The following L3MBTL4 variants were observed in gnomAD, a reference collection of about 807,000 sequenced individuals.
L3MBTL4 encodes the protein lethal(3)malignant brain tumor-like protein 4.
Under a neutral mutation model 84.5 loss-of-function variants are expected in L3MBTL4, and 70 were observed. That is an observed-to-expected ratio of 0.83 (90% confidence interval 0.68 to 1.01). The LOEUF is 1.01. L3MBTL4 is among the 50% of genes least tolerant of loss of function. L3MBTL4 has a pLI of 0.00. For synonymous variants in L3MBTL4, 274 were observed against 259.8 expected (o/e 1.05, Z -0.52); for missense variants, 715 against 754.8 (o/e 0.95, Z 0.62).
intron 12 of L3MBTL4, among the ~76,000 whole-genome samples, chr18:6,205,224 T>C (rs1199040272): frequency 6.6e-6 from 1 of 152,016 alleles, no homozygotes; most frequent in Non-Finnish European, 1.5e-5. Flanking sequence ...GCTGCTGGCT[T>C]TGAATATGGA....
chr18:6,378,675 T>A lies in L3MBTL4; in HGVS notation c.-91+36126A>T, dbSNP rs560532996. 1.5e-4 allele frequency among the ~76,000 whole-genome samples: 23 copies of A among 152,348 alleles called. No individual in the cohort carries two copies. The Middle Eastern group carries it at 0.01, about 68-fold the overall frequency. ...AGGCCTCTGTTCTGTTCTGTTGGTCTATATGTCTGTTTTGGTACCAGTACC... is the reference window on the plus strand; with the variant it reads ...AGGCCTCTGTTCTGTTCTGTTGGTCAATATGTCTGTTTTGGTACCAGTACC... On this transcript the variant is annotated intron_variant, in intron 1 of 18. Transcript: ENST00000317931.
intron 10 of L3MBTL4, among the ~76,000 whole-genome samples, chr18:6,218,130 T>A (rs2046401376): frequency 6.6e-6 from 1 of 152,146 alleles, no homozygotes; most frequent in African/African-American, 2.4e-5. Context: ...TTTCAAGAGA[T>A]GAGGTTTCTC....
At chr18:6,242,513 G>T (rs1470217307) in intron 7 of L3MBTL4, among the ~76,000 whole-genome samples, 1 of 152,184 alleles carries the variant, frequency 6.6e-6, no homozygotes, top group Non-Finnish European at 1.5e-5. Flanking sequence ...GAATGAGCCT[G>T]TAGCCTGTCA....
chr18:6,210,229 G>C (rs925563674), intron 12 of L3MBTL4, among the ~76,000 whole-genome samples: 4 of 152,320 alleles, frequency 2.6e-5, no homozygotes, highest in South Asian at 2.1e-4. Flanking sequence ...GTTGTCTTTA[G>C]TGGATCTGCT....
Position 6,132,958 on chromosome 18 carries a change from G to A in L3MBTL4, c.1199+5236C>T, listed in dbSNP as rs145783303. On this transcript the variant is annotated intron_variant, in intron 14 of 18. Transcript: ENST00000317931. Reference sequence around the variant, plus strand: ...CTTAAAAAGCAGTCCAAGAATGGTCGGTGTTATTTTAGCACCAGTTCCACG... The same window carrying A: ...CTTAAAAAGCAGTCCAAGAATGGTCAGTGTTATTTTAGCACCAGTTCCACG... Among the ~76,000 whole-genome samples the A allele has an allele frequency of 1.6e-3, 237 of 152,230 alleles. 1 individual carries two copies. The highest frequency in any genetic ancestry group is 5.4e-3 in the African/African-American group (225 of 41,520).
At chr18:5,961,849 T>C (rs1266651135) in intron 17 of L3MBTL4, among the ~76,000 whole-genome samples, 1 of 152,188 alleles carries the variant, frequency 6.6e-6, no homozygotes, top group Non-Finnish European at 1.5e-5. Context: ...TAGTGAAAGC[T>C]GTGGAATGCC....
chr18:6,293,580 C>T (rs2049964074), intron 4 of L3MBTL4, among the ~76,000 whole-genome samples: 2 of 151,544 alleles, frequency 1.3e-5, no homozygotes, highest in Admixed American at 1.3e-4. Context: ...GAATTACCAC[C>T]CTATAAAACA....
intron 16 of L3MBTL4, among the ~76,000 whole-genome samples, chr18:6,075,139 A>T (rs1316215827): frequency 1.3e-5 from 2 of 152,238 alleles, no homozygotes; most frequent in East Asian, 3.9e-4. Flanking sequence ...TGCAATTCTA[A>T]TTAAAATCAG....
At chr18:6,056,189 G>A (rs1404635718) in intron 16 of L3MBTL4, among the ~76,000 whole-genome samples, 2 of 152,068 alleles carry the variant, frequency 1.3e-5, no homozygotes, top group African/African-American at 4.8e-5. Flanking sequence ...CAAGCAGAAA[G>A]GCATTCTTCT....
At position 6,352,778 on chromosome 18, in the gene L3MBTL4, GA is replaced by G. The variant is rs1044538299; in HGVS notation, c.-90-40723del. On this transcript the variant is annotated intron_variant, in intron 1 of 18. Coordinates refer to ENST00000317931, the MANE Select transcript of L3MBTL4 (RefSeq NM_001330559.2). ...TTTCCTATGTGCTGAGAACCTTAAA[GA>G]AAAAAAAAGGAAATCTAGTTGGTAG... Among the ~76,000 whole-genome samples, 9 of 149,434 alleles carry G rather than the reference GA, an allele frequency of 6.0e-5. No individual in the cohort carries two copies. The South Asian group carries it at 1.9e-3, about 32-fold the overall frequency.
intron 3 of L3MBTL4, among the ~76,000 whole-genome samples, chr18:6,311,310 C>T (rs2050819753): frequency 6.6e-6 from 1 of 151,904 alleles, no homozygotes; most frequent in Non-Finnish European, 1.5e-5. Context: ...TGATTGATTA[C>T]CTCCACCTTT....
chr18:6,083,944 C>T (rs1444279190), intron 15 of L3MBTL4, among the ~76,000 whole-genome samples: 1 of 152,168 alleles, frequency 6.6e-6, no homozygotes, highest in Non-Finnish European at 1.5e-5. Flanking sequence ...TGCATCCTCT[C>T]TGACCCTCTT....
At chr18:6,051,850 G>A (rs2056854027) in intron 16 of L3MBTL4, among the ~76,000 whole-genome samples, 1 of 152,204 alleles carries the variant, frequency 6.6e-6, no homozygotes, top group African/African-American at 2.4e-5. Flanking sequence ...ACTACCTTAA[G>A]AATTCTTGGC....
chr18:5,968,942 T>C (rs1015028668), intron 17 of L3MBTL4, among the ~76,000 whole-genome samples: 1 of 152,118 alleles, frequency 6.6e-6, no homozygotes, highest in Non-Finnish European at 1.5e-5. Flanking sequence ...CTGGATCCCA[T>C]AAGACCACAG....
At chr18:6,168,605 G>T (rs577450375) in intron 13 of L3MBTL4, among the ~76,000 whole-genome samples, 1 of 152,172 alleles carries the variant, frequency 6.6e-6, no homozygotes, top group Non-Finnish European at 1.5e-5. Context: ...AAATGGTGCT[G>T]GGAAAACTGG....
intron 16 of L3MBTL4, chr18:6,031,890 A>T: frequency 4.2e-6 from 4 of 959,202 alleles, no homozygotes; most frequent in Non-Finnish European, 5.0e-6. Flanking sequence ...ATAGTGATGA[A>T]GCCTGGGCTT....
intron 16 of L3MBTL4, among the ~76,000 whole-genome samples, chr18:5,977,987 A>G (rs184899421): frequency 6.6e-6 from 1 of 152,276 alleles, no homozygotes; most frequent in Non-Finnish European, 1.5e-5. Flanking sequence ...GCCATTTCCC[A>G]TTCATCCCCA....
At chr18:6,148,670 A>G (rs946981543) in intron 13 of L3MBTL4, among the ~76,000 whole-genome samples, 1 of 152,102 alleles carries the variant, frequency 6.6e-6, no homozygotes, top group Non-Finnish European at 1.5e-5. Context: ...GGCTCAAGTG[A>G]TTCTCCCACT....
intron 13 of L3MBTL4, among the ~76,000 whole-genome samples, chr18:6,162,767 G>T (rs913129108): frequency 1.3e-5 from 2 of 152,182 alleles, no homozygotes; most frequent in African/African-American, 4.8e-5. Context: ...GACAACAACT[G>T]AGCGGTGTGA....
Sources: allele counts gnomAD v4.1 joint callset (sites outside exome capture counted in the v4.1 genomes callset), GRCh38; gene constraint gnomAD v4.1.1; transcripts MANE v1.5; gene names NCBI Gene and HGNC (gene_info 2026-07-23, HGNC 2026-07-21).